GALNTL6: variants seen among roughly 807,000 people sequenced by gnomAD.
GALNTL6 encodes the protein polypeptide N-acetylgalactosaminyltransferase-like 6.
Under a neutral mutation model 73.7 loss-of-function variants are expected in GALNTL6, and 46 were observed. The ratio of observed to expected loss-of-function variants is 0.62; its 90% confidence interval spans 0.49 to 0.80. The LOEUF (loss-of-function observed/expected upper bound fraction) is 0.80. Ranked by LOEUF, GALNTL6 falls within the 30% of genes least tolerant of loss-of-function variation. GALNTL6 has a pLI of 0.00. For missense variants in GALNTL6, 604 were observed against 755.0 expected, an observed-to-expected ratio of 0.80 and a Z score of 2.34; for synonymous variants, 259 against 263.7, an observed-to-expected ratio of 0.98 and a Z score of 0.17.
intron 5 of GALNTL6, among the ~76,000 whole-genome samples, chr4:172,444,652 C>T (rs1212773171): frequency 1.3e-5 from 2 of 151,766 alleles, no homozygotes; most frequent in Admixed American, 1.3e-4. Context: ...AGAAGACAAA[C>T]CATTATGAAA....
At chr4:172,938,443 C>T (rs987422949) in intron 9 of GALNTL6, among the ~76,000 whole-genome samples, 3 of 152,180 alleles carry the variant, frequency 2.0e-5, no homozygotes, top group African/African-American at 4.8e-5. Flanking sequence ...AAACGCAACT[C>T]GCCCTTGTTT....
At chr4:172,955,650 A>T (rs182586757) in intron 10 of GALNTL6, among the ~76,000 whole-genome samples, 2 of 152,282 alleles carry the variant, frequency 1.3e-5, no homozygotes, top group South Asian at 4.1e-4. Flanking sequence ...TTAACATTTT[A>T]TATTTACTTT....
intron 5 of GALNTL6, among the ~76,000 whole-genome samples, chr4:172,776,006 A>G (rs185337326): frequency 2.2e-4 from 34 of 152,140 alleles, no homozygotes; most frequent in African/African-American, 8.2e-4. Flanking sequence ...ATCATCCCCA[A>G]CTAACCCTCT....
chr4:172,679,570 A>G (rs557416526), intron 5 of GALNTL6, among the ~76,000 whole-genome samples: 8 of 152,250 alleles, frequency 5.3e-5, no homozygotes, highest in African/African-American at 1.7e-4. Context: ...ATTTTTCTCT[A>G]TACACTATCT....
chr4:171,929,001 T>C (rs779369256), intron 2 of GALNTL6, among the ~76,000 whole-genome samples: 3 of 152,208 alleles, frequency 2.0e-5, no homozygotes, highest in Non-Finnish European at 4.4e-5. Context: ...ATTCTACATT[T>C]CATAATCACA....
intron 2 of GALNTL6, among the ~76,000 whole-genome samples, chr4:171,955,100 T>A (rs935537903): frequency 7.2e-5 from 11 of 152,154 alleles, no homozygotes; most frequent in African/African-American, 2.7e-4. Flanking sequence ...TGTAAACAAC[T>A]GAATATAAAG....
intron 5 of GALNTL6, among the ~76,000 whole-genome samples, chr4:172,527,434 G>A (rs184073585): frequency 1.9e-3 from 290 of 152,268 alleles, no homozygotes; most frequent in Non-Finnish European, 3.0e-3. Flanking sequence ...TGAAATACCC[G>A]TAAAAGATAT....
intron 9 of GALNTL6, among the ~76,000 whole-genome samples, chr4:172,937,360 A>G (rs1039691401): frequency 6.6e-6 from 1 of 152,174 alleles, no homozygotes; most frequent in African/African-American, 2.4e-5. Flanking sequence ...ACATGTGACT[A>G]TGAGCTTTCC....
intron 5 of GALNTL6, among the ~76,000 whole-genome samples, chr4:172,789,990 G>A (rs1056463350): frequency 6.6e-6 from 1 of 152,198 alleles, no homozygotes; most frequent in East Asian, 1.9e-4. Flanking sequence ...AAATGAATAC[G>A]ACATGGTCCC....
chr4:172,718,495 AG>A (rs1735248058), intron 5 of GALNTL6, among the ~76,000 whole-genome samples: 1 of 151,980 alleles, frequency 6.6e-6, no homozygotes, highest in African/African-American at 2.4e-5. Context: ...CATATGAGCC[AG>A]GTATGGTGGT....
rs926351587 is a variant in GALNTL6 at position 172,760,422 on chromosome 4, A to G, written c.554-48939A>G. On this transcript the variant is annotated intron_variant, in intron 5 of 12. Transcript: ENST00000506823. ...GTTAATGGTCATAATTAGTACAACT[A>G]TTCCTGAAATTTTTAAAAAATAGAC... 3.1e-4 allele frequency among the ~76,000 whole-genome samples: 47 copies of G among 152,272 alleles called. 4 individuals are homozygous for G. The highest frequency in any genetic ancestry group is 2.8e-3 in the Admixed American group (43 of 15,300).
At chr4:172,949,775 A>G (rs1309008019) in intron 9 of GALNTL6, among the ~76,000 whole-genome samples, 1 of 151,840 alleles carries the variant, frequency 6.6e-6, no homozygotes, top group African/African-American at 2.4e-5. Context: ...CAGGCATGGT[A>G]GCACGTGCCT....
At chr4:171,923,692 C>A (rs974721497) in intron 2 of GALNTL6, among the ~76,000 whole-genome samples, 2 of 151,136 alleles carry the variant, frequency 1.3e-5, no homozygotes, top group Non-Finnish European at 2.9e-5. Flanking sequence ...AGGTGTGGAC[C>A]CTGACATTTT....
intron 4 of GALNTL6, among the ~76,000 whole-genome samples, chr4:172,340,704 G>C (rs964579914): frequency 1.3e-5 from 2 of 152,168 alleles, no homozygotes; most frequent in Non-Finnish European, 2.9e-5. Flanking sequence ...GCTATATTTA[G>C]GCTAGGGATA....
At chr4:172,967,697 T>C (rs1750395886) in intron 10 of GALNTL6, among the ~76,000 whole-genome samples, 1 of 152,158 alleles carries the variant, frequency 6.6e-6, no homozygotes, top group African/African-American at 2.4e-5. Flanking sequence ...AGTGCTATAA[T>C]TGTTGTATAT....
At chr4:172,369,590 G>T (rs1259508894) in intron 5 of GALNTL6, among the ~76,000 whole-genome samples, 1 of 152,192 alleles carries the variant, frequency 6.6e-6, no homozygotes, top group Non-Finnish European at 1.5e-5. Flanking sequence ...GGGCATGGCG[G>T]GCTGCAGGTC....
At chr4:172,459,572 GACAA>G (rs1471356164) in intron 5 of GALNTL6, among the ~76,000 whole-genome samples, 7 of 152,268 alleles carry the variant, frequency 4.6e-5, no homozygotes, top group African/African-American at 1.2e-4. Flanking sequence ...ATCAATGATA[GACAA>G]ACAGAGAGTC....
intron 2 of GALNTL6, among the ~76,000 whole-genome samples, chr4:171,954,231 A>G (rs1195170590): frequency 1.3e-5 from 2 of 152,222 alleles, no homozygotes; most frequent in Non-Finnish European, 1.5e-5. Flanking sequence ...TTTCATGCCA[A>G]TGAAGAGTTG....
intron 5 of GALNTL6, among the ~76,000 whole-genome samples, chr4:172,548,178 G>C (rs78050391): frequency 8.0e-6 from 1 of 125,366 alleles, no homozygotes; most frequent in East Asian, 2.3e-4. Flanking sequence ...TCAATGAAGG[G>C]TCAAAAGAAT....
Sources: allele counts gnomAD v4.1 joint callset (sites outside exome capture counted in the v4.1 genomes callset), GRCh38; gene constraint gnomAD v4.1.1; transcripts MANE v1.5; gene names NCBI Gene and HGNC (gene_info 2026-07-23, HGNC 2026-07-21).